COL4A4: variants seen among roughly 807,000 people sequenced by gnomAD.
COL4A4 encodes collagen type IV alpha 4 chain.
A neutral mutation model predicts 192.9 loss-of-function variants in COL4A4; 105 were observed. The ratio of observed to expected loss-of-function variants is 0.54; its 90% CI spans 0.46 to 0.64. The LOEUF (loss-of-function observed/expected upper bound fraction) is 0.64, where lower values mean the gene tolerates loss of function less well. Ranked by LOEUF, COL4A4 falls within the 30% of genes least tolerant of loss-of-function variation. The pLI, the probability that COL4A4 is intolerant of heterozygous loss-of-function variation, is 0.00. For synonymous variants in COL4A4, 762 were observed against 769.9 expected, an observed-to-expected ratio of 0.99 and a Z score of 0.17; for missense variants, 1,967 against 2,169.3, an observed-to-expected ratio of 0.91 and a Z score of 1.85.
At chr2:227,128,314 A>G (rs1010688633) in intron 4 of COL4A4, among the ~76,000 whole-genome samples, 5 of 152,236 alleles carry the variant, frequency 3.3e-5, no homozygotes, top group Admixed American at 1.3e-4. Flanking sequence ...TTACACTTAA[A>G]AACAGTCTAT....
chr2:227,145,903 A>G (rs556475458), intron 2 of COL4A4, among the ~76,000 whole-genome samples: 1 of 152,370 alleles, frequency 6.6e-6, no homozygotes, highest in African/African-American at 2.4e-5. Flanking sequence ...AACCAAATAA[A>G]TAAAGAGAAA....
intron 8 of COL4A4, among the ~76,000 whole-genome samples, chr2:227,112,339 C>A (rs1227693744): frequency 6.6e-6 from 1 of 151,732 alleles, no homozygotes. Context: ...CGCCATCTCC[C>A]TTCACTGCAA....
rs115035197 is a variant in COL4A4, at chr2:227,034,984, C to G, written c.3506-1503G>C. On this transcript the variant is annotated intron_variant, in intron 37 of 47. Transcript: ENST00000396625. ...CTGTTTACTTAGTGTAGGGTCACAT[C>G]TCTCAAATTTGGGATAAAAATACCA... Among the ~76,000 whole-genome samples, 1,503 of 152,022 alleles carry G rather than the reference C, an allele frequency of 9.9e-3. 14 individuals carry two copies. Among genetic ancestry groups the G allele is most frequent in the Non-Finnish European group, 0.015 (1,014 of 67,976 alleles).
At chr2:227,118,908 T>G in intron 6 of COL4A4, 147 bp from the exon 7 acceptor site, 1 of 650,584 alleles carries the variant, frequency 1.5e-6, no homozygotes, top group Non-Finnish European at 2.7e-6. Context: ...CCCAAAAGGC[T>G]ACGTAGCATG....
the COL4A4 span, among the ~76,000 whole-genome samples, chr2:226,974,066 G>A: frequency 7.2e-5 from 11 of 152,034 alleles, no homozygotes; most frequent in Non-Finnish European, 1.6e-4. Flanking sequence ...ACAGATGGCC[G>A]GCGTTTGTCT....
chr2:227,020,563 T>A (rs1965808528), intron 44 of COL4A4, among the ~76,000 whole-genome samples: 1 of 152,204 alleles, frequency 6.6e-6, no homozygotes, highest in Admixed American at 6.5e-5. Context: ...GGCACTTAAC[T>A]TCTTGGTTTT....
chr2:227,014,892 C>CTT (rs1179125792), intron 44 of COL4A4, among the ~76,000 whole-genome samples: 70 of 106,580 alleles, frequency 6.6e-4, no homozygotes, highest in Non-Finnish European at 9.4e-4. Flanking sequence ...CCATGCCTGG[C>CTT]TTTTTTTTTT....
At chr2:227,101,051 G>A (rs2060491185) in intron 17 of COL4A4, among the ~76,000 whole-genome samples, 1 of 152,064 alleles carries the variant, frequency 6.6e-6, no homozygotes, top group African/African-American at 2.4e-5. Context: ...CTCATGATCT[G>A]CCCGCCTCGG....
intron 43 of COL4A4, among the ~76,000 whole-genome samples, chr2:227,025,264 G>T (rs16823062): frequency 6.6e-6 from 1 of 152,066 alleles, no homozygotes; most frequent in Non-Finnish European, 1.5e-5. Context: ...CTTTGAAAAT[G>T]CCAGGCACAA....
In COL4A4 at chr2:227,042,944, CCTATCCAAAGTCACAGG is replaced by C. The variant is rs1206788950; in HGVS notation, c.3397+116_3397+132del. ...GTGAGGCATAGGTGAGCTTAAGTGA[CCTATCCAAAGTCACAGG>C]TCTGGGAAATGGCAGAGCCATATCT... On this transcript the variant is annotated intron_variant, in intron 36 of 47. Coordinates refer to ENST00000396625, the MANE Select transcript of COL4A4 (RefSeq NM_000092.5). 1.3e-5 allele frequency: 9 copies of C among 717,148 alleles called. No individual in the cohort carries two copies. The African/African-American group carries it at 1.4e-4, about 11-fold the overall frequency. The allele number at this position is 717,148 out of a possible 1,614,324, so 44.4% of individuals were successfully genotyped here.
rs2059863413 is a variant in COL4A4, at chr2:227,090,584, C to G, written c.1370-627G>C. On this transcript the variant is annotated intron_variant, in intron 20 of 47. Coordinates refer to ENST00000396625, the MANE Select transcript of COL4A4 (RefSeq NM_000092.5). ...GCCAACATGGTAAAACCCCCCCCATCTCTGCAAAATCACAAAAATTAGCCA... is the reference window on the plus strand; with the variant it reads ...GCCAACATGGTAAAACCCCCCCCATGTCTGCAAAATCACAAAAATTAGCCA... Among the ~76,000 whole-genome samples the G allele has an allele frequency of 2.0e-5, 3 of 151,720 alleles. No individual in the cohort carries two copies. In the South Asian group the frequency reaches 6.3e-4, roughly 32 times the overall value.
intron 20 of COL4A4, among the ~76,000 whole-genome samples, chr2:227,091,255 GAT>G (rs1344510675): frequency 7.1e-6 from 1 of 140,978 alleles, no homozygotes; most frequent in African/African-American, 3.0e-5. Flanking sequence ...AACAGATATA[GAT>G]ATAGATATAG....
intron 17 of COL4A4, 108 bp downstream of exon 17, chr2:227,101,395 TA>T: frequency 1.1e-6 from 1 of 951,798 alleles, no homozygotes; most frequent in Non-Finnish European, 1.6e-6. Context: ...GTATCTCTTC[TA>T]AAAATTACAT....
chr2:227,111,460 A>C (rs1313720654), intron 9 of COL4A4, among the ~76,000 whole-genome samples: 1 of 152,218 alleles, frequency 6.6e-6, no homozygotes, highest in Non-Finnish European at 1.5e-5. Flanking sequence ...GTACAGCTTC[A>C]TGGGCATGAG....
chr2:227,089,898 G>A lies in COL4A4; in HGVS notation c.1429C>T (p.Pro477Ser). Residue 477 changes from proline to serine, a missense_variant, in exon 21 of 48, where the codon CCA becomes TCA. Pro to Ser is a moderately conservative substitution (Grantham distance 74). Coordinates refer to ENST00000396625, the MANE Select transcript of COL4A4 (RefSeq NM_000092.5). ...TCTCCTTTTGGGCCTCTTCCTCCTG[G>A]GGGACCAACTTTGCCTTTTATTCCT... is the stretch of plus-strand genomic sequence containing the variant. ...PQGIKGKVGP[P>S]GGRGPKGEKG... 2 of 1,613,452 alleles carry A rather than the reference G, an allele frequency of 1.2e-6. No individual in the cohort carries two copies. Among genetic ancestry groups the A allele is most frequent in the Non-Finnish European group, 1.7e-6 (2 of 1,179,726 alleles).
At position 227,057,364 on chromosome 2, in the gene COL4A4, TA is replaced by T. The variant is rs1416719129; in HGVS notation, c.2545+74del. The T allele has an allele frequency of 1.2e-5, 18 of 1,501,896 alleles. No individual in the cohort carries two copies. In the African/African-American group the frequency reaches 2.4e-4, roughly 20 times the overall value. The allele number at this position is 1,501,896 out of a possible 1,614,324, so 93.0% of individuals were successfully genotyped here. ...GGACTCTTGCTTCTGGCAGCATCCA[TA>T]AAAGAGTAAAAGGGGAGCTTATTTA... is the stretch of plus-strand genomic sequence containing the variant. On this transcript the variant is annotated intron_variant, in intron 29 of 47. Coordinates refer to ENST00000396625, the MANE Select transcript of COL4A4 (RefSeq NM_000092.5).
At chr2:227,110,539 C>G (rs186389379) in intron 9 of COL4A4, among the ~76,000 whole-genome samples, 1 of 152,122 alleles carries the variant, frequency 6.6e-6, no homozygotes, top group African/African-American at 2.4e-5. Flanking sequence ...CGCACCACCA[C>G]GTCTGGCTAA....
chr2:227,039,196 T>C (rs1970300927), intron 37 of COL4A4, among the ~76,000 whole-genome samples: 1 of 152,244 alleles, frequency 6.6e-6, no homozygotes, highest in South Asian at 2.1e-4. Flanking sequence ...AGACAGAGTC[T>C]TGCTCTGTCA....
At chr2:227,069,932 A>T (rs2150382883) in intron 25 of COL4A4, among the ~76,000 whole-genome samples, 1 of 151,838 alleles carries the variant, frequency 6.6e-6, no homozygotes, top group Admixed American at 6.6e-5. Flanking sequence ...GTGAACAGGC[A>T]ACCTACAAAA....
Sources: allele counts gnomAD v4.1 joint callset (sites outside exome capture counted in the v4.1 genomes callset), GRCh38; gene constraint gnomAD v4.1.1; transcripts MANE v1.5; gene names NCBI Gene and HGNC (gene_info 2026-07-23, HGNC 2026-07-21).